Variants in PTPRU observed in about 807,000 individuals in gnomAD.
The protein encoded by PTPRU is receptor-type tyrosine-protein phosphatase U.
A neutral mutation model predicts 166.3 loss-of-function variants in PTPRU; 69 were observed. The observed-to-expected ratio is 0.41, with a 90% CI of 0.34 to 0.51. The LOEUF is 0.51. Ranked by LOEUF, PTPRU falls within the 20% of genes least tolerant of loss-of-function variation. The probability of loss-of-function intolerance (pLI) is 0.09; values close to 1 mark genes in which losing one functional copy is unlikely to be tolerated. For missense variants in PTPRU, 1,657 were observed against 2,013.7 expected, an observed-to-expected ratio of 0.82 and a Z score of 3.39; for synonymous variants, 793 against 814.0, an observed-to-expected ratio of 0.97 and a Z score of 0.44.
At chr1:29,281,286 A>G (rs896189002) in intron 11 of PTPRU, among the ~76,000 whole-genome samples, 1 of 152,126 alleles carries the variant, frequency 6.6e-6, no homozygotes, top group Non-Finnish European at 1.5e-5. Flanking sequence ...CCAGACCCTC[A>G]GGGAAGACCC....
chr1:29,304,902 G>C (rs1687316396), intron 17 of PTPRU, 53 bp downstream of exon 17: 1 of 1,505,016 alleles, frequency 6.6e-7, no homozygotes, highest in Non-Finnish European at 9.1e-7. Context: ...GAGGGCATCA[G>C]GAGGGGGAAC....
At position 29,279,160 on chromosome 1, in the gene PTPRU, G is replaced by A; in HGVS notation, c.1563+39G>A. On this transcript the variant is annotated intron_variant, in intron 9 of 29. Transcript: ENST00000373779. The surrounding 1 kb of genome is among the most constrained non-coding windows in gnomAD (Gnocchi z 5.2). Reference sequence around the variant, plus strand: ...CCTATTACAGTGGGGGACCCTGGTGGAAGGTGAGAGGTGGCCCTCTTTCTC... The same window carrying A: ...CCTATTACAGTGGGGGACCCTGGTGAAAGGTGAGAGGTGGCCCTCTTTCTC... 1.4e-6 allele frequency: 2 copies of A among 1,481,272 alleles called. No individual in the cohort carries two copies. The highest frequency in any genetic ancestry group is 1.2e-5 in the South Asian group (1 of 82,432). 91.8% of individuals were successfully genotyped at this position (1,481,272 alleles called of 1,614,324 possible).
At chr1:29,241,106 G>A (rs1053195163) in intron 1 of PTPRU, among the ~76,000 whole-genome samples, 2 of 152,268 alleles carry the variant, frequency 1.3e-5, no homozygotes, top group South Asian at 2.1e-4. Flanking sequence ...TCTGGTTATC[G>A]TGTGGTGTGG....
At chr1:29,323,823 G>T (rs1281388469) in intron 28 of PTPRU, 35 bp downstream of exon 28, 2 of 1,609,982 alleles carry the variant, frequency 1.2e-6, no homozygotes, top group Non-Finnish European at 1.7e-6. Context: ...CGGGTGGAGG[G>T]GTTGGGGAGC....
intron 13 of PTPRU, 55 bp downstream of exon 13, chr1:29,284,031 C>G: frequency 6.2e-7 from 1 of 1,603,400 alleles, no homozygotes; most frequent in Non-Finnish European, 8.5e-7. Flanking sequence ...ACCTGCCCAG[C>G]GCTGGGGAGG....
At chr1:29,288,436 A>G (rs1431162817) in intron 14 of PTPRU, among the ~76,000 whole-genome samples, 1 of 152,142 alleles carries the variant, frequency 6.6e-6, no homozygotes, top group Admixed American at 6.5e-5. Context: ...CTCGTGGGAG[A>G]GTGGTCCGGG....
chr1:29,306,280 C>T (rs1001417620), intron 18 of PTPRU, among the ~76,000 whole-genome samples: 16 of 152,158 alleles, frequency 1.1e-4, no homozygotes, highest in African/African-American at 3.4e-4. Flanking sequence ...AGGGGCGAGG[C>T]GGGACAGGGC....
chr1:29,261,873 G>A (rs1440925354), intron 7 of PTPRU, among the ~76,000 whole-genome samples: 5 of 152,120 alleles, frequency 3.3e-5, no homozygotes, highest in Admixed American at 6.6e-5. Context: ...TAAATGTAGA[G>A]TCACATGCAG....
chr1:29,261,575 G>A (rs968493866), intron 7 of PTPRU, among the ~76,000 whole-genome samples: 1 of 152,114 alleles, frequency 6.6e-6, no homozygotes, highest in Non-Finnish European at 1.5e-5. Flanking sequence ...TGTCACCCAG[G>A]CTGGAGCACA....
In PTPRU at chr1:29,284,783, G is replaced by C; in HGVS notation, c.2232G>C (p.Glu744Asp). 6.2e-7 allele frequency: 1 copy of C among 1,614,092 alleles called. No individual in the cohort carries two copies. Among genetic ancestry groups the C allele is most frequent in the East Asian group, 2.2e-5 (1 of 44,886 alleles). Residue 744 changes from glutamate to aspartate, a missense_variant, in exon 14 of 30, where the codon GAG becomes GAC. Physicochemically the swap from Glu to Asp is conservative, Grantham distance 45. This residue lies in a region of PTPRU where 1,190 missense variants were observed against 1,477.4 expected (regional missense o/e 0.81). Transcript: ENST00000373779. ...TGGAGGTGTCCCAGAGATCGGAGGA[G>C]ATGGGGCTTATCCTGGGCATCTGTG... ...RPLEVSQRSEEMGLILGICAG... is the reference protein window; with the variant it reads ...RPLEVSQRSEDMGLILGICAG...
chr1:29,320,549 A>C lies in PTPRU; in HGVS notation c.3688-136A>C, dbSNP rs978114981. 8 of 1,060,106 alleles carry C rather than the reference A, an allele frequency of 7.5e-6. No homozygotes were observed. The highest frequency in any genetic ancestry group is 1.0e-5 in the Non-Finnish European group (8 of 782,880). 65.7% of individuals were successfully genotyped at this position (1,060,106 alleles called of 1,614,324 possible). On this transcript the variant is annotated intron_variant, in intron 25 of 29. Transcript: ENST00000373779. This position sits in a 1 kb window ranked among gnomAD's most constrained non-coding sequence, Gnocchi z 5.2. ...TGCCAACCAACATCAGAAATGGCCC[A>C]CTGGAGGCAGCCTGGTCCTGTGGGG...
chr1:29,303,860 C>A lies in PTPRU; in HGVS notation c.2482C>A (p.Gln828Lys). The change falls in exon 16 of 30, where the codon CAG becomes AAG. Residue 828 changes from glutamine (Q) to lysine (K), a missense_variant. By Grantham distance (53) the Gln-to-Lys change is moderately conservative (BLOSUM62 1). This residue lies in a region of PTPRU where 1,190 missense variants were observed against 1,477.4 expected (regional missense o/e 0.81). Coordinates refer to ENST00000373779, the MANE Select transcript of PTPRU (RefSeq NM_133178.4). ...TTGTCTTTCTCTGACTGCAGGAGACCAGCGCAGCGGTGGGGTCACTGAGGC... is the reference window on the plus strand; with the variant it reads ...TTGTCTTTCTCTGACTGCAGGAGACAAGCGCAGCGGTGGGGTCACTGAGGC... ...DTHGYSTRGD[Q>K]RSGGVTEASS... 1.9e-6 allele frequency: 3 copies of A among 1,604,746 alleles called. No homozygotes were observed. Among genetic ancestry groups the A allele is most frequent in the Non-Finnish European group, 1.7e-6 (2 of 1,172,918 alleles).
In PTPRU at chr1:29,320,916, C is replaced by A. The variant is rs1019203955; in HGVS notation, c.3828+91C>A. On this transcript the variant is annotated intron_variant, in intron 26 of 29. Transcript: ENST00000373779. The surrounding 1 kb of genome is among the most constrained non-coding windows in gnomAD (Gnocchi z 5.2). ...TGGTCCCCAAAGCCAAAAGTTGGGT[C>A]CCAGCTCTGCCATCTATTTATTGTG... The A allele has an allele frequency of 2.3e-6, 3 of 1,329,908 alleles. No homozygotes were observed. The South Asian group carries it at 5.4e-5, about 24-fold the overall frequency. 82.4% of individuals were successfully genotyped at this position (1,329,908 alleles called of 1,614,324 possible).
intron 15 of PTPRU, among the ~76,000 whole-genome samples, chr1:29,292,584 C>T (rs1243293311): frequency 2.0e-5 from 3 of 152,102 alleles, no homozygotes; most frequent in African/African-American, 7.2e-5. Flanking sequence ...GTGAGTCAGC[C>T]GTTATGTACT....
Position 29,317,814 on chromosome 1 carries a change from C to T in PTPRU, c.3580C>T (p.Arg1194Cys), listed in dbSNP as rs569346985. The change falls in exon 25 of 30, where the codon CGC becomes TGC. Residue 1194 changes from arginine (R) to cysteine (C), a missense_variant. Arg to Cys is a radical substitution (Grantham distance 180). Around this residue, in one of 3 missense-constraint regions of PTPRU, gnomAD observed 1,190 missense variants for 1,477.4 expected, o/e 0.81. Transcript: ENST00000373779. This position sits in a 1 kb window ranked among gnomAD's most constrained non-coding sequence, Gnocchi z 5.6. Reference protein sequence around the residue: ...ECSIALLPRNRDKNRSMDVLP... With the variant: ...ECSIALLPRNCDKNRSMDVLP... ...CAGCATCGCCCTGTTGCCCCGGAAC[C>T]GCGACAAGAACCGCAGCATGGACGT... 163 of 1,613,490 alleles carry T rather than the reference C, an allele frequency of 1.0e-4. No individual in the cohort carries two copies. The South Asian group carries it at 1.5e-3, about 15-fold the overall frequency.
chr1:29,320,264 G>C lies in PTPRU; in HGVS notation c.3688-421G>C, dbSNP rs1469715323. 6.2e-6 allele frequency: 1 copy of C among 161,600 alleles called. No homozygotes were observed. The highest frequency in any genetic ancestry group is 1.3e-5 in the Non-Finnish European group (1 of 74,696). The allele number at this position is 161,600 out of a possible 1,614,324, so 10.0% of individuals were successfully genotyped here. On this transcript the variant is annotated intron_variant, in intron 25 of 29. Transcript: ENST00000373779. This position sits in a 1 kb window ranked among gnomAD's most constrained non-coding sequence, Gnocchi z 5.2. Reference sequence around the variant, plus strand: ...TGAGGTGGTGGGGGAGGGCTTCTTTGAGGAGGTGATAAGTAAAGACCAGAA... The same window carrying C: ...TGAGGTGGTGGGGGAGGGCTTCTTTCAGGAGGTGATAAGTAAAGACCAGAA...
chr1:29,259,589 TG>T, intron 5 of PTPRU, 25 bp downstream of exon 5: 2 of 250,418 alleles, frequency 8.0e-6, no homozygotes. Flanking sequence ...TGATCTTGGC[TG>T]GGGGCGGGGT....
rs556151249 is a variant in PTPRU, at chr1:29,279,349, T to A, written c.1564-107T>A. The A allele has an allele frequency of 4.6e-6, 6 of 1,312,264 alleles. No homozygotes were observed. Among genetic ancestry groups the A allele is most frequent in the Non-Finnish European group, 5.4e-6 (5 of 926,216 alleles). 81.3% of individuals were successfully genotyped at this position (1,312,264 alleles called of 1,614,324 possible). A position where few individuals can be genotyped will look rare whatever the true frequency, so the allele number is the denominator to read the frequency against. On this transcript the variant is annotated intron_variant, in intron 9 of 29. Transcript: ENST00000373779. This position sits in a 1 kb window ranked among gnomAD's most constrained non-coding sequence, Gnocchi z 5.2. ...TGGCTTGATGGCATCCATAGTCTCC[T>A]TTGCTTAGCCTTATCTCTCACTTCC... is the stretch of plus-strand genomic sequence containing the variant.
intron 1 of PTPRU, among the ~76,000 whole-genome samples, chr1:29,240,377 C>A (rs1213588951): frequency 6.6e-6 from 1 of 152,104 alleles, no homozygotes; most frequent in Non-Finnish European, 1.5e-5. Context: ...AGGTACAAGG[C>A]CTGGCCCACC....
Sources: gnomAD v4.1 joint callset for allele counts (sites outside exome capture counted in the v4.1 genomes callset) on GRCh38, gnomAD v4.1.1 for gene constraint, gnomAD v4.1.1 regional missense constraint, Gnocchi (gnomAD v3.1) non-coding constraint, MANE v1.5 for transcripts, NCBI Gene and HGNC (gene_info 2026-07-23, HGNC 2026-07-21) for gene names.